Variants in MACROD2 observed in about 807,000 individuals in gnomAD.
The protein encoded by MACROD2 is ADP-ribose glycohydrolase MACROD2.
MACROD2 carries 36 observed loss-of-function variants against 70.4 expected under a neutral mutation model. The observed-to-expected ratio is 0.51, with a 90% CI of 0.39 to 0.68. The LOEUF is 0.68. MACROD2 is among the 30% of genes least tolerant of loss of function. The pLI is 0.00. For synonymous variants in MACROD2, 172 were observed against 178.8 expected (o/e 0.96, Z 0.30); for missense variants, 496 against 538.4 (o/e 0.92, Z 0.78).
At chr20:14,331,347 A>G (rs1018637657) in intron 3 of MACROD2, among the ~76,000 whole-genome samples, 7 of 152,082 alleles carry the variant, frequency 4.6e-5, no homozygotes, top group Non-Finnish European at 1.0e-4. Flanking sequence ...CGGAAGATTA[A>G]TTTGTTTATT....
chr20:15,870,403 G>A (rs779011318), intron 9 of MACROD2, among the ~76,000 whole-genome samples: 12 of 151,944 alleles, frequency 7.9e-5, no homozygotes, highest in Admixed American at 4.6e-4. Flanking sequence ...AAATAAAAAC[G>A]TACCACGAAC....
intron 5 of MACROD2, among the ~76,000 whole-genome samples, chr20:14,987,860 T>C (rs1394542443): frequency 1.3e-5 from 2 of 150,130 alleles, no homozygotes; most frequent in African/African-American, 2.5e-5. Context: ...TATATATATA[T>C]ATAAGAAATC....
rs534273474 is a variant in MACROD2 at position 15,678,363 on chromosome 20, CT to C, written c.645+178530del. On this transcript the variant is annotated intron_variant, in intron 8 of 17. Coordinates refer to ENST00000684519, the MANE Select transcript of MACROD2 (RefSeq NM_001351661.2). ...CCTGGACAACAGAGCAAGGCCCCAT[CT>C]TTTTTTTTTTTTTGAGACGGAGTCT... Among the ~76,000 whole-genome samples, 1,087 of 143,564 alleles carry C rather than the reference CT, an allele frequency of 7.6e-3. 5 individuals carry two copies. Among genetic ancestry groups the C allele is most frequent in the African/African-American group, 0.019 (761 of 39,602 alleles). 94.2% of individuals were successfully genotyped at this position (143,564 alleles called of 152,430 possible).
rs71335946 is a variant in MACROD2 at position 14,049,174 on chromosome 20, TAAAAA to T, written c.164-36436_164-36432del. ...TTGACAGAACTAAAAATATATTTAATAAAAAAAAAAAAAAACAAAAAAACAAAAAA... is the reference window on the plus strand; with the variant it reads ...TTGACAGAACTAAAAATATATTTAATAAAAAAAAAACAAAAAAACAAAAAA... On this transcript the variant is annotated intron_variant, in intron 2 of 17. Transcript: ENST00000684519. 1.7e-4 allele frequency among the ~76,000 whole-genome samples: 12 copies of T among 69,800 alleles called. 1 individual carries two copies. The highest frequency in any genetic ancestry group is 5.5e-4 in the South Asian group (1 of 1,832). The allele number at this position is 69,800 out of a possible 152,430, so 45.8% of individuals were successfully genotyped here.
chr20:15,811,285 A>T (rs2063818947), intron 8 of MACROD2, among the ~76,000 whole-genome samples: 1 of 151,802 alleles, frequency 6.6e-6, no homozygotes, highest in Non-Finnish European at 1.5e-5. Context: ...AAGGATATGA[A>T]CAGACACTTC....
chr20:14,202,284 T>C (rs974163908), intron 3 of MACROD2, among the ~76,000 whole-genome samples: 2 of 152,258 alleles, frequency 1.3e-5, no homozygotes, highest in African/African-American at 4.8e-5. Context: ...TCTTTGAGGT[T>C]TGTTTATTAC....
At chr20:15,113,740 GGTATGGGGTTGTGTA>G (rs2075972302) in intron 5 of MACROD2, among the ~76,000 whole-genome samples, 2 of 149,650 alleles carry the variant, frequency 1.3e-5, no homozygotes, top group African/African-American at 4.9e-5. Context: ...CTTAAAGATA[GGTATGGGGTTGTGTA>G]GTCTTGAAGT....
intron 8 of MACROD2, among the ~76,000 whole-genome samples, chr20:15,627,191 A>G (rs2049215853): frequency 6.8e-6 from 1 of 145,994 alleles, no homozygotes; most frequent in Non-Finnish European, 1.5e-5. Flanking sequence ...ATGGAAACCT[A>G]TGGTACCAGC....
chr20:15,003,309 C>G (rs1301605878), intron 5 of MACROD2, among the ~76,000 whole-genome samples: 1 of 152,158 alleles, frequency 6.6e-6, no homozygotes, highest in Admixed American at 6.5e-5. Context: ...GCATGCATTC[C>G]TCTTTTTATT....
intron 5 of MACROD2, among the ~76,000 whole-genome samples, chr20:14,853,116 C>A (rs6135281): frequency 0.33 from 50,426 of 151,532 alleles, 9,284 homozygotes; most frequent in Non-Finnish European, 0.42. Flanking sequence ...TAATAGGAAG[C>A]AGCTTCACTG....
intron 3 of MACROD2, among the ~76,000 whole-genome samples, chr20:14,376,356 C>T (rs564754060): frequency 3.4e-4 from 51 of 152,222 alleles, no homozygotes; most frequent in African/African-American, 1.2e-3. Context: ...AGTTTCCAGT[C>T]CTTGGTGCAC....
intron 2 of MACROD2, among the ~76,000 whole-genome samples, chr20:14,018,731 G>C (rs932244704): frequency 6.6e-6 from 1 of 152,130 alleles, no homozygotes; most frequent in Non-Finnish European, 1.5e-5. Context: ...AAAGATGATT[G>C]TTTTAAAGTC....
At chr20:15,884,115 A>G (rs955763381) in intron 9 of MACROD2, among the ~76,000 whole-genome samples, 2 of 152,100 alleles carry the variant, frequency 1.3e-5, no homozygotes, top group Non-Finnish European at 2.9e-5. Context: ...CTCCAAGATC[A>G]CATGCCCAGG....
chr20:15,278,152 A>G (rs930427622), intron 6 of MACROD2, among the ~76,000 whole-genome samples: 6 of 152,204 alleles, frequency 3.9e-5, no homozygotes, highest in African/African-American at 1.4e-4. Context: ...ATGCCTAACA[A>G]TGCATATATT....
chr20:15,669,878 A>G (rs1484859545), intron 8 of MACROD2, among the ~76,000 whole-genome samples: 2 of 152,180 alleles, frequency 1.3e-5, no homozygotes, highest in African/African-American at 4.8e-5. Context: ...AACTAGCTTT[A>G]TGTTTTCCTT....
intron 6 of MACROD2, among the ~76,000 whole-genome samples, chr20:15,415,220 A>G (rs1000122803): frequency 6.6e-6 from 1 of 152,234 alleles, no homozygotes; most frequent in African/African-American, 2.4e-5. Context: ...TGAGCTAGAG[A>G]TCCCATGAAG....
intron 3 of MACROD2, among the ~76,000 whole-genome samples, chr20:14,281,913 C>T (rs1005453631): frequency 4.0e-5 from 5 of 125,518 alleles, no homozygotes; most frequent in South Asian, 2.4e-4. Flanking sequence ...CCAGCCTTGG[C>T]GACAGAGCAG....
chr20:15,539,512 A>T (rs2047925614), intron 8 of MACROD2, among the ~76,000 whole-genome samples: 1 of 152,218 alleles, frequency 6.6e-6, no homozygotes, highest in Admixed American at 6.5e-5. Context: ...TTGTTCAATG[A>T]GGTGTTATTT....
At chr20:14,581,077 CTT>C (rs1980983676) in intron 4 of MACROD2, among the ~76,000 whole-genome samples, 2 of 152,296 alleles carry the variant, frequency 1.3e-5, no homozygotes, top group Admixed American at 6.5e-5. Flanking sequence ...ATATGAGACT[CTT>C]TTTGAAATCT....
Sources: allele counts gnomAD v4.1 joint callset (sites outside exome capture counted in the v4.1 genomes callset), GRCh38; gene constraint gnomAD v4.1.1; transcripts MANE v1.5; gene names NCBI Gene and HGNC (gene_info 2026-07-23, HGNC 2026-07-21).